Variants in LURAP1L observed in about 807,000 individuals in gnomAD.
LURAP1L encodes leucine rich adaptor protein 1 like, also known as leucine rich adaptor protein 1-like.
In LURAP1L, 12 loss-of-function variants were observed where a neutral mutation model predicts 13.8. The ratio of observed to expected loss-of-function variants is 0.87; its 90% CI spans 0.56 to 1.41. The LOEUF is 1.41. LURAP1L is among the 40% of genes most tolerant of loss of function. The probability of loss-of-function intolerance (pLI) is 0.00; values close to 1 mark genes in which losing one functional copy is unlikely to be tolerated. For missense variants in LURAP1L, 375 were observed against 292.9 expected (o/e 1.28, Z -2.04); for synonymous variants, 139 against 119.2 (o/e 1.17, Z -1.08).
chr9:12,791,355 C>G (rs1819438097), intron 1 of LURAP1L, among the ~76,000 whole-genome samples: 1 of 151,990 alleles, frequency 6.6e-6, no homozygotes, highest in Admixed American at 6.6e-5. Context: ...AATTTTTTGT[C>G]TCTACGTGAA....
intron 1 of LURAP1L, among the ~76,000 whole-genome samples, chr9:12,792,906 C>G (rs540380235): frequency 6.6e-6 from 1 of 151,972 alleles, no homozygotes; most frequent in South Asian, 2.1e-4. Flanking sequence ...TCCAATTATT[C>G]CTTATTTGGA....
rs113627846 is a variant in LURAP1L, at chr9:12,810,428, T to C, written c.313-10958T>C. The stretch of plus-strand genomic sequence containing the variant: ...TTAGCCAATGACCTCAGTTTTCTGA[T>C]GAACCTAAGCATAGTTGTTGATTTC... On this transcript the variant is annotated intron_variant, in intron 1 of 1. Transcript: ENST00000319264. Among the ~76,000 whole-genome samples the C allele has an allele frequency of 1.8e-4, 27 of 152,324 alleles. No homozygotes were observed. The East Asian group carries it at 4.3e-3, about 24-fold the overall frequency.
Position 12,775,649 on chromosome 9 carries a change from C to G in LURAP1L, c.-67C>G. On this transcript the variant is annotated 5_prime_UTR_variant, in exon 1 of 2. Transcript: ENST00000319264. ...GAGAGGTCTGCTGATTTCGCAGCAG[C>G]CTTCGAAGCCGTGGCTGCCTTTCAT... 1.3e-6 allele frequency: 2 copies of G among 1,514,282 alleles called. No individual in the cohort carries two copies. 93.8% of individuals were successfully genotyped at this position (1,514,282 alleles called of 1,614,324 possible). A position where few individuals can be genotyped will look rare whatever the true frequency, so the allele number is the denominator to read the frequency against.
At chr9:12,817,208 C>T (rs959574717) in intron 1 of LURAP1L, among the ~76,000 whole-genome samples, 21 of 141,314 alleles carry the variant, frequency 1.5e-4, no homozygotes, top group Non-Finnish European at 2.9e-4. Context: ...TGTTCTTTCC[C>T]GAAGCTACTT....
At chr9:12,800,899 A>G (rs1258760501) in intron 1 of LURAP1L, among the ~76,000 whole-genome samples, 2 of 152,208 alleles carry the variant, frequency 1.3e-5, no homozygotes, top group Admixed American at 6.5e-5. Flanking sequence ...CCGGCAGCAC[A>G]GCAGTGAGTT....
At position 12,775,622 on chromosome 9, in the gene LURAP1L, C is replaced by A. The variant is rs1326379105; in HGVS notation, c.-94C>A. On this transcript the variant is annotated 5_prime_UTR_variant, in exon 1 of 2. Coordinates refer to ENST00000319264, the MANE Select transcript of LURAP1L (RefSeq NM_203403.2). ...GGCGGAGGATAGAGACCCTGGCCCCCGGAGAGGTCTGCTGATTTCGCAGCA... is the reference window on the plus strand; with the variant it reads ...GGCGGAGGATAGAGACCCTGGCCCCAGGAGAGGTCTGCTGATTTCGCAGCA... 1 of 1,480,840 alleles carries A rather than the reference C, an allele frequency of 6.8e-7. No individual in the cohort carries two copies. 91.7% of individuals were successfully genotyped at this position (1,480,840 alleles called of 1,614,324 possible).
intron 1 of LURAP1L, among the ~76,000 whole-genome samples, chr9:12,786,032 AT>A (rs750445302): frequency 2.0e-4 from 31 of 152,030 alleles, no homozygotes; most frequent in Admixed American, 1.0e-3. Context: ...TTTGGATATC[AT>A]TTTTCTTATT....
chr9:12,804,346 A>ATTT (rs5896539), intron 1 of LURAP1L, among the ~76,000 whole-genome samples: 2,222 of 141,434 alleles, frequency 0.016, 74 homozygotes, highest in African/African-American at 0.05. Context: ...TTGTTATCTG[A>ATTT]TTTTTTTTTT....
intron 1 of LURAP1L, chr9:12,814,233 A>G (rs1445297328): frequency 6.6e-6 from 1 of 152,164 alleles, no homozygotes; most frequent in African/African-American, 2.4e-5. Context: ...GCCCTGGTCT[A>G]CCATGTGAAA....
intron 1 of LURAP1L, among the ~76,000 whole-genome samples, chr9:12,805,787 C>A (rs1250973425): frequency 6.6e-6 from 1 of 152,152 alleles, no homozygotes; most frequent in East Asian, 1.9e-4. Context: ...CTGGAATCGG[C>A]TGTTTTATAC....
chr9:12,793,998 A>G (rs1017649494), intron 1 of LURAP1L, among the ~76,000 whole-genome samples: 10 of 152,082 alleles, frequency 6.6e-5, no homozygotes, highest in African/African-American at 2.4e-4. Flanking sequence ...GGCATTAATA[A>G]ACAAGCCTGT....
At chr9:12,821,332 G>A (rs1172409224) in intron 1 of LURAP1L, 54 bp from the exon 2 acceptor site, 13 of 1,548,914 alleles carry the variant, frequency 8.4e-6, no homozygotes, top group South Asian at 1.2e-5. Flanking sequence ...TGAATTTGAG[G>A]CCTTTCGAGA....
chr9:12,789,360 G>C (rs1586877809), intron 1 of LURAP1L, among the ~76,000 whole-genome samples: 1 of 152,150 alleles, frequency 6.6e-6, no homozygotes, highest in South Asian at 2.1e-4. Flanking sequence ...CTCAGGAAAA[G>C]ATGAGACCAG....
intron 1 of LURAP1L, among the ~76,000 whole-genome samples, chr9:12,815,381 A>G (rs1044587848): frequency 2.6e-5 from 4 of 152,214 alleles, no homozygotes; most frequent in Non-Finnish European, 4.4e-5. Flanking sequence ...ATGTGGATAG[A>G]AAAGAGGCCC....
At chr9:12,803,282 C>T (rs919760391) in intron 1 of LURAP1L, among the ~76,000 whole-genome samples, 2 of 152,126 alleles carry the variant, frequency 1.3e-5, no homozygotes, top group African/African-American at 2.4e-5. Context: ...AGAACCAAGA[C>T]ATTTTCAGGC....
chr9:12,801,162 G>A (rs905085261), intron 1 of LURAP1L, among the ~76,000 whole-genome samples: 11 of 152,074 alleles, frequency 7.2e-5, no homozygotes, highest in East Asian at 3.9e-4. Flanking sequence ...AGCAGAGAAT[G>A]TGGCCTCTTA....
At chr9:12,815,076 C>G (rs544272536) in intron 1 of LURAP1L, among the ~76,000 whole-genome samples, 1 of 152,228 alleles carries the variant, frequency 6.6e-6, no homozygotes, top group Non-Finnish European at 1.5e-5. Context: ...TCTTCTCAGG[C>G]TGCAAAAAGA....
At chr9:12,779,558 C>T (rs1819241105) in intron 1 of LURAP1L, among the ~76,000 whole-genome samples, 1 of 152,124 alleles carries the variant, frequency 6.6e-6, no homozygotes, top group Admixed American at 6.5e-5. Flanking sequence ...GCGTGAGCCA[C>T]CGTGTACGGC....
intron 1 of LURAP1L, among the ~76,000 whole-genome samples, chr9:12,781,062 C>T (rs1464659625): frequency 6.6e-6 from 1 of 152,136 alleles, no homozygotes; most frequent in African/African-American, 2.4e-5. Flanking sequence ...ACCTCTGCCT[C>T]CTAGGTTCAA....
Sources: allele counts gnomAD v4.1 joint callset (sites outside exome capture counted in the v4.1 genomes callset), GRCh38; gene constraint gnomAD v4.1.1; transcripts MANE v1.5; gene names NCBI Gene and HGNC (gene_info 2026-07-23, HGNC 2026-07-21).